PRIM2: variants seen among roughly 807,000 people sequenced by gnomAD.
PRIM2 encodes the protein DNA primase large subunit.
A neutral mutation model predicts 67.3 loss-of-function variants in PRIM2; 39 were observed. The observed-to-expected ratio is 0.58, with a 90% CI of 0.45 to 0.76. PRIM2 has a LOEUF of 0.76. Among genes scored for constraint, PRIM2 ranks in the 30% least tolerant of loss-of-function variants. The pLI is 0.00. For missense variants in PRIM2, 398 were observed against 598.7 expected (o/e 0.66, Z 3.50); for synonymous variants, 143 against 198.7 (o/e 0.72, Z 2.36).
chr6:57,309,150 T>A, the PRIM2 span, among the ~76,000 whole-genome samples: 6 of 151,900 alleles, frequency 3.9e-5, no homozygotes, highest in East Asian at 3.9e-4. Context: ...TTTTTTTTTT[T>A]TTATTATACT....
At chr6:57,486,215 G>A (rs1229498933) in intron 7 of PRIM2, among the ~76,000 whole-genome samples, 3 of 152,140 alleles carry the variant, frequency 2.0e-5, no homozygotes, top group African/African-American at 4.8e-5. Context: ...AGGGAGAACA[G>A]GCTAAAGAGT....
chr6:57,241,086 T>C, the PRIM2 span, among the ~76,000 whole-genome samples: 3 of 151,772 alleles, frequency 2.0e-5, no homozygotes, highest in Admixed American at 1.3e-4. Flanking sequence ...TTAGCTGGCA[T>C]GGTGGTGGGC....
chr6:57,602,085 G>A (rs1206020857), intron 11 of PRIM2, among the ~76,000 whole-genome samples: 4 of 146,376 alleles, frequency 2.7e-5, no homozygotes, highest in Admixed American at 6.9e-5. Context: ...TTGAGACAGA[G>A]TTTCATTCTT....
chr6:57,550,699 G>T (rs1775384078), intron 10 of PRIM2, among the ~76,000 whole-genome samples: 1 of 152,050 alleles, frequency 6.6e-6, no homozygotes, highest in Non-Finnish European at 1.5e-5. Context: ...AAAATAAAAT[G>T]ACATTTTATT....
chr6:57,499,476 T>G (rs1774082960), intron 7 of PRIM2, among the ~76,000 whole-genome samples: 1 of 152,184 alleles, frequency 6.6e-6, no homozygotes, highest in Non-Finnish European at 1.5e-5. Context: ...AGATGTGCCC[T>G]TCCTAAACCT....
intron 5 of PRIM2, among the ~76,000 whole-genome samples, chr6:57,372,832 A>G (rs1462095356): frequency 1.3e-5 from 2 of 152,134 alleles, no homozygotes; most frequent in African/African-American, 4.8e-5. Context: ...TATGTACCAC[A>G]TTTTCTTTAT....
At chr6:57,399,861 A>G (rs1770647015) in intron 7 of PRIM2, among the ~76,000 whole-genome samples, 3 of 152,064 alleles carry the variant, frequency 2.0e-5, no homozygotes, top group African/African-American at 7.2e-5. Flanking sequence ...GTCTGTTCAT[A>G]TCCTTTGCCC....
At chr6:57,256,739 C>CAT in the PRIM2 span, among the ~76,000 whole-genome samples, 1 of 123,034 alleles carries the variant, frequency 8.1e-6, no homozygotes, top group Non-Finnish European at 1.7e-5. Context: ...CACACACACA[C>CAT]ACACATACAC....
intron 7 of PRIM2, among the ~76,000 whole-genome samples, chr6:57,481,402 C>A (rs1340249413): frequency 2.6e-5 from 4 of 152,062 alleles, no homozygotes; most frequent in African/African-American, 9.7e-5. Flanking sequence ...CAGGATAATG[C>A]CCTGGAGATC....
At chr6:57,615,323 G>A (rs1374669664) in intron 12 of PRIM2, among the ~76,000 whole-genome samples, 1 of 151,626 alleles carries the variant, frequency 6.6e-6, no homozygotes, top group Admixed American at 6.6e-5. Flanking sequence ...GGAGGCTGAG[G>A]TGGGAGGATT....
intron 7 of PRIM2, among the ~76,000 whole-genome samples, chr6:57,441,097 G>A (rs1772190486): frequency 6.6e-6 from 1 of 152,160 alleles, no homozygotes; most frequent in Non-Finnish European, 1.5e-5. Flanking sequence ...GTGACGTTGT[G>A]CTGATTGTCA....
chr6:57,594,310 C>T (rs1357305490), intron 10 of PRIM2, among the ~76,000 whole-genome samples: 1 of 152,114 alleles, frequency 6.6e-6, no homozygotes, highest in African/African-American at 2.4e-5. Flanking sequence ...AAGAAATCGG[C>T]AAGCCAATTC....
intron 13 of PRIM2, among the ~76,000 whole-genome samples, chr6:57,644,531 C>T (rs1230386691): frequency 6.6e-6 from 1 of 152,114 alleles, no homozygotes; most frequent in African/African-American, 2.4e-5. Flanking sequence ...TTCCTGTATG[C>T]TGAATAGTGA....
At chr6:57,453,104 G>A (rs139469987) in intron 7 of PRIM2, among the ~76,000 whole-genome samples, 2 of 152,072 alleles carry the variant, frequency 1.3e-5, no homozygotes, top group Non-Finnish European at 2.9e-5. Flanking sequence ...GTAGATATGC[G>A]GCATTATTTC....
At chr6:57,337,618 T>C (rs1219301708) in intron 5 of PRIM2, among the ~76,000 whole-genome samples, 10 of 152,130 alleles carry the variant, frequency 6.6e-5, no homozygotes, top group African/African-American at 9.7e-5. Context: ...CTACTGGGTA[T>C]ATAATGAAAT....
At chr6:57,510,840 A>G (rs1198619537) in intron 8 of PRIM2, among the ~76,000 whole-genome samples, 1 of 152,112 alleles carries the variant, frequency 6.6e-6, no homozygotes, top group Admixed American at 6.6e-5. Context: ...CCTTTTGCTT[A>G]GTTCTAAATA....
At chr6:57,402,136 G>T (rs1416771505) in intron 7 of PRIM2, among the ~76,000 whole-genome samples, 2 of 152,186 alleles carry the variant, frequency 1.3e-5, no homozygotes, top group Non-Finnish European at 2.9e-5. Flanking sequence ...TAGGGCTGCT[G>T]TGGTATCCTG....
At chr6:57,232,318 C>T in the PRIM2 span, among the ~76,000 whole-genome samples, 26 of 152,222 alleles carry the variant, frequency 1.7e-4, no homozygotes, top group East Asian at 4.7e-3. Context: ...TTTGGGAGGC[C>T]GAAGCAGGCG....
At chr6:57,523,129 G>T (rs2127464919) in intron 8 of PRIM2, among the ~76,000 whole-genome samples, 1 of 152,294 alleles carries the variant, frequency 6.6e-6, no homozygotes, top group South Asian at 2.1e-4. Context: ...AATAAATTTA[G>T]GCCGAGATGA....
Sources: allele counts gnomAD v4.1 joint callset (sites outside exome capture counted in the v4.1 genomes callset), GRCh38; gene constraint gnomAD v4.1.1; transcripts MANE v1.5; gene names NCBI Gene and HGNC (gene_info 2026-07-23, HGNC 2026-07-21).